GCNT4: variants seen among roughly 807,000 people sequenced by gnomAD.
GCNT4 encodes glucosaminyl (N-acetyl) transferase 4.
GCNT4 carries 17 observed loss-of-function variants against 31.3 expected under a neutral mutation model. The observed-to-expected ratio is 0.54, with a 90% CI of 0.37 to 0.81. The LOEUF (loss-of-function observed/expected upper bound fraction) is 0.81, where lower values mean the gene tolerates loss of function less well. Ranked by LOEUF, GCNT4 falls within the 40% of genes least tolerant of loss-of-function variation. The pLI, the probability that GCNT4 is intolerant of heterozygous loss-of-function variation, is 0.00. For synonymous variants in GCNT4, 158 were observed against 190.6 expected, an observed-to-expected ratio of 0.83 and a Z score of 1.41; for missense variants, 503 against 525.5, an observed-to-expected ratio of 0.96 and a Z score of 0.42.
Position 75,029,808 on chromosome 5 carries a change from T to C in GCNT4, c.230A>G (p.Tyr77Cys), listed in dbSNP as rs1743023206. ...VRYEVNCSGI[Y>C]EQEPLEIGKS... The stretch of plus-strand genomic sequence containing the variant: ...TCCAATTTCCAAAGGCTCCTGTTCA[T>C]AGATACCCGAACAGTTAACTTCATA... The change falls in exon 4 of 4, where the codon TAT becomes TGT. Residue 77 changes from tyrosine to cysteine, a missense_variant. Transcript: ENST00000652361. 1.9e-6 allele frequency: 3 copies of C among 1,614,012 alleles called. No homozygotes were observed. Among genetic ancestry groups the C allele is most frequent in the African/African-American group, 1.3e-5 (1 of 74,938 alleles).
At position 75,041,416 on chromosome 5, in the gene GCNT4, C is replaced by G. The variant is rs556918668; in HGVS notation, c.-2+6481G>C. ...TTCTCTCTAGGCCTGCAATTATGAA[C>G]GTCATCATCTTCCCTGAATAAAGGA... On this transcript the variant is annotated intron_variant, in intron 3 of 3. Transcript: ENST00000652361. Among the ~76,000 whole-genome samples, 28 of 152,302 alleles carry G rather than the reference C, an allele frequency of 1.8e-4. 1 individual carries two copies. The highest frequency in any genetic ancestry group is 5.8e-4 in the African/African-American group (24 of 41,548).
chr5:75,049,193 T>G (rs922623765), intron 2 of GCNT4, among the ~76,000 whole-genome samples: 2 of 152,254 alleles, frequency 1.3e-5, no homozygotes, highest in African/African-American at 4.8e-5. Flanking sequence ...CTTTCCTTTC[T>G]GCCCCTTAGT....
At position 75,029,645 on chromosome 5, in the gene GCNT4, G is replaced by A; in HGVS notation, c.393C>T (p.Phe131=). Residue 131 remains phenylalanine (F), a synonymous_variant, in exon 4 of 4, where the codon TTC becomes TTT. Transcript: ENST00000652361. ...GGACAACCAAAGAATAGGCTATTGG[G>A]AAGCTTTTCTCCTCCTTTGAGACAA... ...QKLVSKEEKS[F]PIAYSLVVHK... is the part of the protein sequence containing the mutation. 1 of 1,614,096 alleles carries A rather than the reference G, an allele frequency of 6.2e-7. No homozygotes were observed.
chr5:75,045,620 T>C (rs973306461), intron 3 of GCNT4, among the ~76,000 whole-genome samples: 3 of 152,262 alleles, frequency 2.0e-5, no homozygotes, highest in Non-Finnish European at 4.4e-5. Flanking sequence ...TTTGAATTCC[T>C]GCCTTCACTC....
downstream of GCNT4, among the ~76,000 whole-genome samples, chr5:75,023,507 C>T (rs1742905013): frequency 6.6e-6 from 1 of 151,754 alleles, no homozygotes; most frequent in South Asian, 2.1e-4. Flanking sequence ...GTTCATAGCA[C>T]TGTTATTTAT....
chr5:75,053,330 G>A (rs1020127991), upstream of GCNT4, among the ~76,000 whole-genome samples: 10 of 152,160 alleles, frequency 6.6e-5, no homozygotes, highest in African/African-American at 2.4e-4. Flanking sequence ...TCCCCGCGCG[G>A]CTCCGAGAGG....
chr5:75,049,449 A>G (rs1210689182), intron 2 of GCNT4, among the ~76,000 whole-genome samples: 1 of 152,174 alleles, frequency 6.6e-6, no homozygotes, highest in Non-Finnish European at 1.5e-5. Flanking sequence ...CACTGAGCCC[A>G]CCATCCCCAG....
At position 75,030,752 on chromosome 5, in the gene GCNT4, G is replaced by T. The variant is rs187779177; in HGVS notation, c.-1-714C>A. 1.6e-3 allele frequency: 273 copies of T among 167,060 alleles called. 1 individual carries two copies. The highest frequency in any genetic ancestry group is 0.01 in the Middle Eastern group (3 of 296). The allele number at this position is 167,060 out of a possible 1,614,324, so 10.3% of individuals were successfully genotyped here. On this transcript the variant is annotated intron_variant, in intron 3 of 3. Coordinates refer to ENST00000652361, the MANE Select transcript of GCNT4 (RefSeq NM_001366737.1). ...GGTGGGGTGTAAAAACTACGTTGGG[G>T]GGCAATTTGGCAATACTTGTCAGTT... is the stretch of plus-strand genomic sequence containing the variant.
At chr5:75,038,654 AG>A (rs1215274998) in intron 3 of GCNT4, among the ~76,000 whole-genome samples, 6 of 152,124 alleles carry the variant, frequency 3.9e-5, no homozygotes, top group Admixed American at 6.5e-5. Flanking sequence ...AGACGGGCAA[AG>A]GGGGGGAGAG....
At chr5:75,037,282 C>CA (rs1412239825) in intron 3 of GCNT4, among the ~76,000 whole-genome samples, 1 of 152,164 alleles carries the variant, frequency 6.6e-6, no homozygotes. Flanking sequence ...GAGGATGACT[C>CA]AGTCAGATGC....
In GCNT4 at chr5:75,029,138, A is replaced by G; in HGVS notation, c.900T>C (p.Val300=). 6.2e-7 allele frequency: 1 copy of G among 1,614,042 alleles called. No homozygotes were observed. Among genetic ancestry groups the G allele is most frequent in the Non-Finnish European group, 8.5e-7 (1 of 1,179,996 alleles). The change falls in exon 4 of 4, where the codon GTT becomes GTC. Residue 300 remains valine (V), a synonymous_variant. Coordinates refer to ENST00000652361, the MANE Select transcript of GCNT4 (RefSeq NM_001366737.1). ...EAPPHNIQIF[V]GSAYFVLSQA... is the part of the protein sequence containing the mutation. ...GACTTAAAACAAAATAAGCACTGCC[A>G]ACAAATATCTGAATGTTATGGGGGG...
At chr5:75,048,648 A>T (rs144465326) in intron 2 of GCNT4, among the ~76,000 whole-genome samples, 2 of 152,344 alleles carry the variant, frequency 1.3e-5, no homozygotes, top group Admixed American at 6.5e-5. Context: ...CCTTGTTTCT[A>T]TGAATAGTAC....
At chr5:75,049,162 A>G (rs940122616) in intron 2 of GCNT4, among the ~76,000 whole-genome samples, 3 of 152,210 alleles carry the variant, frequency 2.0e-5, no homozygotes, top group African/African-American at 7.2e-5. Context: ...AACATTTCAT[A>G]TCGCTTAGCA....
the GCNT4 span, among the ~76,000 whole-genome samples, chr5:75,018,177 G>A: frequency 2.0e-5 from 3 of 152,200 alleles, no homozygotes; most frequent in African/African-American, 7.2e-5. Context: ...GAACTGCTAC[G>A]TGAGCCAGGT....
upstream of GCNT4, among the ~76,000 whole-genome samples, chr5:75,053,569 C>G (rs1743638877): frequency 6.6e-6 from 1 of 152,072 alleles, no homozygotes; most frequent in African/African-American, 2.4e-5. Flanking sequence ...GGAGGCCGCC[C>G]CGGCGGGGGC....
Position 75,037,303 on chromosome 5 carries a change from C to T in GCNT4, c.-1-7265G>A, listed in dbSNP as rs549536177. Among the ~76,000 whole-genome samples the T allele has an allele frequency of 5.9e-5, 9 of 152,290 alleles. No individual in the cohort carries two copies. The East Asian group carries it at 1.7e-3, about 29-fold the overall frequency. On this transcript the variant is annotated intron_variant, in intron 3 of 3. Transcript: ENST00000652361. ...GACTCAGTCAGATGCAGTTCCTCCA[C>T]ACTCCCACAGCACTCCAGGAGTCAT...
In GCNT4 at chr5:75,027,341, T is replaced by C. The variant is rs1742969181; in HGVS notation, c.*1335A>G. 1 of 40,220 alleles carries C rather than the reference T, an allele frequency of 2.5e-5. No homozygotes were observed. Among genetic ancestry groups the C allele is most frequent in the South Asian group, 1.1e-3 (1 of 946 alleles). The allele number at this position is 40,220 out of a possible 1,614,324, so 2.5% of individuals were successfully genotyped here. A position where few individuals can be genotyped will look rare whatever the true frequency, so the allele number is the denominator to read the frequency against. On this transcript the variant is annotated 3_prime_UTR_variant, in exon 4 of 4. Coordinates refer to ENST00000652361, the MANE Select transcript of GCNT4 (RefSeq NM_001366737.1). ...ATATAATATATATTCATATACAATA[T>C]ATGTATATATAATATATATATTTAT...
downstream of GCNT4, among the ~76,000 whole-genome samples, chr5:75,020,995 G>T (rs1320875604): frequency 2.0e-5 from 3 of 152,072 alleles, no homozygotes; most frequent in African/African-American, 4.8e-5. Flanking sequence ...ATTCCACTGT[G>T]TATTATGACT....
the GCNT4 span, among the ~76,000 whole-genome samples, chr5:75,019,393 T>C: frequency 1.3e-5 from 2 of 152,240 alleles, no homozygotes; most frequent in Non-Finnish European, 2.9e-5. Flanking sequence ...TACAGCACCT[T>C]GAGCTGACCG....
Sources: gnomAD v4.1 joint callset for allele counts (sites outside exome capture counted in the v4.1 genomes callset) on GRCh38, gnomAD v4.1.1 for gene constraint, MANE v1.5 for transcripts, NCBI Gene and HGNC (gene_info 2026-07-23, HGNC 2026-07-21) for gene names.